XRCC6: variants seen among roughly 807,000 people sequenced by gnomAD.
The protein encoded by XRCC6 is X-ray repair cross complementing 6.
Under a neutral mutation model 65.7 loss-of-function variants are expected in XRCC6, and 5 were observed. The ratio of observed to expected loss-of-function variants is 0.08; its 90% CI spans 0.04 to 0.16. The LOEUF (loss-of-function observed/expected upper bound fraction) is 0.16, where lower values mean the gene tolerates loss of function less well. XRCC6 is among the 10% of genes least tolerant of loss of function. The pLI, the probability that XRCC6 is intolerant of heterozygous loss-of-function variation, is 1.00. For missense variants in XRCC6, 447 were observed against 738.1 expected, an observed-to-expected ratio of 0.61 and a Z score of 4.57; for synonymous variants, 270 against 270.6, an observed-to-expected ratio of 1.00 and a Z score of 0.02.
chr22:41,653,151 C>T (rs139977899), intron 8 of XRCC6, among the ~76,000 whole-genome samples: 4 of 152,214 alleles, frequency 2.6e-5, no homozygotes, highest in Admixed American at 6.5e-5. Context: ...TGCCTGTAAT[C>T]CCAACACTTT....
rs954438844 is a variant in XRCC6 at position 41,656,793 on chromosome 22, G to A, written c.1292-110G>A. The A allele has an allele frequency of 1.9e-5, 28 of 1,491,710 alleles. No homozygotes were observed. The East Asian group carries it at 2.1e-4, about 11-fold the overall frequency. 92.4% of individuals were successfully genotyped at this position (1,491,710 alleles called of 1,614,324 possible). A position where few individuals can be genotyped will look rare whatever the true frequency, so the allele number is the denominator to read the frequency against. On this transcript the variant is annotated intron_variant, in intron 9 of 12. Transcript: ENST00000360079. ...GTGGAGTTCAAGAAATGGGGCCTAC[G>A]GGGCCCCAGCCCCAGCACCACAGGA...
At chr22:41,639,606 C>A (rs2067852057) in intron 6 of XRCC6, among the ~76,000 whole-genome samples, 1 of 150,072 alleles carries the variant, frequency 6.7e-6, no homozygotes, top group Non-Finnish European at 1.5e-5. Context: ...TTAGGCCTCC[C>A]AATGTGCTGG....
chr22:41,648,076 T>G (rs1233246712), intron 7 of XRCC6: 1 of 122,108 alleles, frequency 8.2e-6, no homozygotes, highest in Non-Finnish European at 1.7e-5. Flanking sequence ...CCTCCTCTCT[T>G]CTGTTTCTTT....
At chr22:41,657,643 C>G (rs1384617272) in intron 10 of XRCC6, among the ~76,000 whole-genome samples, 1 of 151,652 alleles carries the variant, frequency 6.6e-6, no homozygotes, top group Admixed American at 6.6e-5. Flanking sequence ...CCTCAGACTC[C>G]TGAGTAGCTG....
Position 41,621,983 on chromosome 22 carries a change from C to T in XRCC6, c.-15-7C>T, listed in dbSNP as rs753079862. The T allele has an allele frequency of 8.1e-6, 13 of 1,613,664 alleles. No homozygotes were observed. Among genetic ancestry groups the T allele is most frequent in the Non-Finnish European group, 1.1e-5 (13 of 1,179,732 alleles). On this transcript the variant is annotated splice_region_variant and splice_polypyrimidine_tract_variant and intron_variant, in intron 1 of 12. Coordinates refer to ENST00000360079, the MANE Select transcript of XRCC6 (RefSeq NM_001469.5). ...GCCTGTTACTGACGTTAACGTCTTT[C>T]GCCTAGTGAGCAGTAGCCAACATGT...
intron 2 of XRCC6, among the ~76,000 whole-genome samples, chr22:41,624,109 G>A (rs1010178867): frequency 6.6e-6 from 1 of 152,198 alleles, no homozygotes; most frequent in African/African-American, 2.4e-5. Context: ...ATTTGTCTGG[G>A]TGTGGTGGCT....
intron 6 of XRCC6, among the ~76,000 whole-genome samples, chr22:41,645,846 G>C (rs1001754732): frequency 6.6e-5 from 10 of 151,514 alleles, no homozygotes; most frequent in Non-Finnish European, 8.8e-5. Context: ...TAGACTGTGC[G>C]TGCGCCACCA....
At chr22:41,636,305 C>G in intron 4 of XRCC6, 54 bp downstream of exon 4, 3 of 1,544,426 alleles carry the variant, frequency 1.9e-6, no homozygotes, top group Non-Finnish European at 2.6e-6. Flanking sequence ...TATCAGTACT[C>G]TGATCAAAGA....
chr22:41,637,597 CCTTG>C lies in XRCC6; in HGVS notation c.590-9_590-6del, dbSNP rs776386649. ...TTTTTCCTCCCTCACTTTTGTTTAC[CCTTG>C]CAACAGGCATCTTCCTTGACTTGAT... On this transcript the variant is annotated splice_polypyrimidine_tract_variant and splice_region_variant and intron_variant, in intron 5 of 12. Coordinates refer to ENST00000360079, the MANE Select transcript of XRCC6 (RefSeq NM_001469.5). The C allele has an allele frequency of 4.5e-6, 7 of 1,562,264 alleles. No homozygotes were observed. In the African/African-American group the frequency reaches 9.6e-5, roughly 21 times the overall value.
At chr22:41,649,255 C>T (rs1429418371) in intron 7 of XRCC6, among the ~76,000 whole-genome samples, 1 of 149,898 alleles carries the variant, frequency 6.7e-6, no homozygotes, top group East Asian at 1.9e-4. Flanking sequence ...TAGCTTCAAC[C>T]TCTTGGGTTC....
intron 6 of XRCC6, among the ~76,000 whole-genome samples, chr22:41,643,837 T>C (rs557806304): frequency 3.0e-5 from 4 of 132,452 alleles, no homozygotes; most frequent in Non-Finnish European, 4.8e-5. Context: ...AAAAAAAAAT[T>C]AGCTGGGCGC....
intron 6 of XRCC6, among the ~76,000 whole-genome samples, chr22:41,638,154 G>T (rs2067829815): frequency 6.6e-6 from 1 of 152,138 alleles, no homozygotes; most frequent in African/African-American, 2.4e-5. Flanking sequence ...GAGCTGGCAT[G>T]ATATTTCTCT....
rs2068018695 is a variant in XRCC6, at chr22:41,653,403, CAAAT to C, written c.1130-115_1130-112del. On this transcript the variant is annotated intron_variant, in intron 8 of 12. Coordinates refer to ENST00000360079, the MANE Select transcript of XRCC6 (RefSeq NM_001469.5). ...TGGGTGACAGAGCGAGACCCCGTCT[CAAAT>C]AAATAAATAATAAAATTAAAATAAG... 11 of 941,840 alleles carry C rather than the reference CAAAT, an allele frequency of 1.2e-5. No individual in the cohort carries two copies. In the East Asian group the frequency reaches 1.4e-4, roughly 12 times the overall value. The allele number at this position is 941,840 out of a possible 1,614,324, so 58.3% of individuals were successfully genotyped here.
intron 11 of XRCC6, among the ~76,000 whole-genome samples, chr22:41,659,217 G>A (rs901830626): frequency 4.6e-5 from 7 of 152,042 alleles, no homozygotes. Context: ...TTGGACCATT[G>A]TTACTGTGGT....
chr22:41,653,468 A>G (rs2068019087), intron 8 of XRCC6, 61 bp from the exon 9 acceptor site: 1 of 1,483,206 alleles, frequency 6.7e-7, no homozygotes, highest in Non-Finnish European at 9.1e-7. Flanking sequence ...CTTTAGGGCT[A>G]AAAGAGAAGA....
chr22:41,628,240 CCTTTTAATTTAAGACAA>C lies in XRCC6; in HGVS notation c.195+11_195+27del. 6.2e-7 allele frequency: 1 copy of C among 1,601,384 alleles called. No homozygotes were observed. The highest frequency in any genetic ancestry group is 8.5e-7 in the Non-Finnish European group (1 of 1,171,952). On this transcript the variant is annotated intron_variant, in intron 3 of 12. Coordinates refer to ENST00000360079, the MANE Select transcript of XRCC6 (RefSeq NM_001469.5). ...TGACATGAGCATCCAGGTAAGACTACCTTTTAATTTAAGACAAATTTAAAAACAGTATTGGCTGGGCA... is the reference window on the plus strand; with the variant it reads ...TGACATGAGCATCCAGGTAAGACTACATTTAAAAACAGTATTGGCTGGGCA...
intron 12 of XRCC6, 69 bp from the exon 13 acceptor site, chr22:41,663,553 A>G (rs2068119104): frequency 6.5e-7 from 1 of 1,533,356 alleles, no homozygotes; most frequent in Non-Finnish European, 8.9e-7. Flanking sequence ...GAGGTCCCCC[A>G]TGCCATGTAG....
intron 6 of XRCC6, among the ~76,000 whole-genome samples, chr22:41,639,627 G>A (rs1198228886): frequency 2.1e-5 from 3 of 144,458 alleles, no homozygotes; most frequent in East Asian, 4.1e-4. Flanking sequence ...GATTACAGGC[G>A]TGAGCTACCA....
chr22:41,632,613 G>A (rs1464234030), intron 3 of XRCC6, among the ~76,000 whole-genome samples: 1 of 151,792 alleles, frequency 6.6e-6, no homozygotes, highest in Non-Finnish European at 1.5e-5. Context: ...TCCATCTCAA[G>A]AAAACAAGAA....
Sources: gnomAD v4.1 joint callset for allele counts (sites outside exome capture counted in the v4.1 genomes callset) on GRCh38, gnomAD v4.1.1 for gene constraint, MANE v1.5 for transcripts, NCBI Gene and HGNC (gene_info 2026-07-23, HGNC 2026-07-21) for gene names.